EXOC2: variants seen among roughly 807,000 people sequenced by gnomAD.
EXOC2 encodes the protein exocyst complex component 2, also known as SEC5-like 1.
Under a neutral mutation model 131.8 loss-of-function variants are expected in EXOC2, and 70 were observed. The ratio of observed to expected loss-of-function variants is 0.53; its 90% CI spans 0.44 to 0.65. EXOC2 has a LOEUF of 0.65. Among genes scored for constraint, EXOC2 ranks in the 30% least tolerant of loss-of-function variants. The probability of loss-of-function intolerance (pLI) is 0.00; values close to 1 mark genes in which losing one functional copy is unlikely to be tolerated. For synonymous variants in EXOC2, 411 were observed against 398.4 expected (o/e 1.03, Z -0.38); for missense variants, 923 against 1,108.6 (o/e 0.83, Z 2.38).
At chr6:552,255 C>G (rs929482195) in intron 21 of EXOC2, among the ~76,000 whole-genome samples, 1 of 152,242 alleles carries the variant, frequency 6.6e-6, no homozygotes, top group East Asian at 1.9e-4. Flanking sequence ...GGCAGGACGT[C>G]GCTCCCTGCT....
At chr6:587,199 CACAA>C (rs1208206288) in intron 11 of EXOC2, among the ~76,000 whole-genome samples, 4 of 151,908 alleles carry the variant, frequency 2.6e-5, no homozygotes, top group African/African-American at 9.7e-5. Context: ...CGCACACATA[CACAA>C]ACATAGATAT....
chr6:514,846 G>C (rs999016911), intron 23 of EXOC2, among the ~76,000 whole-genome samples: 4 of 152,204 alleles, frequency 2.6e-5, no homozygotes, highest in African/African-American at 9.7e-5. Flanking sequence ...GGAGGAGGGC[G>C]GAGTCGGAGG....
chr6:682,791 T>G (rs1764471770), intron 1 of EXOC2, among the ~76,000 whole-genome samples: 1 of 152,246 alleles, frequency 6.6e-6, no homozygotes, highest in South Asian at 2.1e-4. Flanking sequence ...GAAACTGTTC[T>G]GGACTTAGAT....
At chr6:619,363 A>G (rs1210906533) in intron 5 of EXOC2, 67 bp downstream of exon 5, 3 of 1,300,470 alleles carry the variant, frequency 2.3e-6, no homozygotes, top group Non-Finnish European at 3.3e-6. Flanking sequence ...AACTCGAGTT[A>G]CCGTGTAATT....
In EXOC2 at chr6:629,491, T is replaced by C. The variant is rs575178975; in HGVS notation, c.422+344A>G. 6.6e-5 allele frequency among the ~76,000 whole-genome samples: 10 copies of C among 152,166 alleles called. No individual in the cohort carries two copies. In the South Asian group the frequency reaches 1.5e-3, roughly 22 times the overall value. On this transcript the variant is annotated intron_variant, in intron 4 of 27. Coordinates refer to ENST00000230449, the MANE Select transcript of EXOC2 (RefSeq NM_018303.6). ...CTATTCTAAAATACTTCTAGAAAAA[T>C]CAAAAAAACAGATTATGTATGCTAT...
At chr6:639,955 G>A (rs1317516377) in intron 1 of EXOC2, among the ~76,000 whole-genome samples, 1 of 152,150 alleles carries the variant, frequency 6.6e-6, no homozygotes, top group African/African-American at 2.4e-5. Flanking sequence ...GGCGAAATGT[G>A]GCCATTTGGA....
At chr6:588,048 G>GT (rs1298631731) in intron 11 of EXOC2, among the ~76,000 whole-genome samples, 2 of 152,280 alleles carry the variant, frequency 1.3e-5, no homozygotes, top group East Asian at 3.9e-4. Context: ...TGAAGTCAGC[G>GT]TGAGTACATG....
At chr6:584,882 A>T (rs1759116590) in intron 11 of EXOC2, among the ~76,000 whole-genome samples, 1 of 152,234 alleles carries the variant, frequency 6.6e-6, no homozygotes, top group Non-Finnish European at 1.5e-5. Context: ...AGACATAGCC[A>T]GCATATATTT....
chr6:598,225 A>AGGC, intron 9 of EXOC2, 102 bp from the exon 10 acceptor site: 1 of 806,304 alleles, frequency 1.2e-6, no homozygotes, highest in Non-Finnish European at 2.0e-6. Flanking sequence ...GAGGGCTAAG[A>AGGC]GGCACCAGGG....
In EXOC2 at chr6:571,059, G is replaced by A. The variant is rs375969597; in HGVS notation, c.1443+1461C>T. On this transcript the variant is annotated intron_variant, in intron 13 of 27. Transcript: ENST00000230449. ...GCAGAGTACTGGAAAGACTTATCAG[G>A]ACAAAACTGAAATTATTCACTTCCT... is the stretch of plus-strand genomic sequence containing the variant. 7.9e-5 allele frequency among the ~76,000 whole-genome samples: 12 copies of A among 152,250 alleles called. 2 individuals are homozygous for A. The South Asian group carries it at 2.3e-3, about 29-fold the overall frequency.
intron 23 of EXOC2, among the ~76,000 whole-genome samples, chr6:518,295 C>A (rs1765270761): frequency 6.6e-6 from 1 of 152,140 alleles, no homozygotes; most frequent in Non-Finnish European, 1.5e-5. Flanking sequence ...ACAAGACTGG[C>A]TGTGAGATGA....
At chr6:543,231 GATGA>G (rs1284206242) in intron 22 of EXOC2, among the ~76,000 whole-genome samples, 2 of 152,164 alleles carry the variant, frequency 1.3e-5, no homozygotes, top group African/African-American at 4.8e-5. Flanking sequence ...CCCAGTAATG[GATGA>G]ATGAATTTTA....
chr6:629,755 T>A, intron 4 of EXOC2, 80 bp downstream of exon 4: 1 of 1,533,054 alleles, frequency 6.5e-7, no homozygotes, highest in Non-Finnish European at 8.8e-7. Context: ...GTTTCTGGAG[T>A]TTGAGTCCCT....
chr6:638,891 T>G (rs1581606743), intron 1 of EXOC2, among the ~76,000 whole-genome samples: 1 of 152,248 alleles, frequency 6.6e-6, no homozygotes, highest in Non-Finnish European at 1.5e-5. Context: ...ATTGCGCCAC[T>G]GCACTCTAGC....
At chr6:644,417 A>C (rs1375415509) in intron 1 of EXOC2, among the ~76,000 whole-genome samples, 1 of 152,098 alleles carries the variant, frequency 6.6e-6, no homozygotes, top group African/African-American at 2.4e-5. Context: ...TGAAATACAG[A>C]ATGCTTTCCC....
At chr6:491,037 A>G in intron 26 of EXOC2, 88 bp downstream of exon 26, 1 of 1,328,220 alleles carries the variant, frequency 7.5e-7, no homozygotes, top group Non-Finnish European at 1.1e-6. Context: ...ATGTGCTCTG[A>G]TCAGTCATCT....
chr6:660,767 C>T (rs1014538370), intron 1 of EXOC2, among the ~76,000 whole-genome samples: 1 of 152,056 alleles, frequency 6.6e-6, no homozygotes, highest in East Asian at 1.9e-4. Flanking sequence ...AAAAATCACA[C>T]TAGTTCACCA....
At chr6:555,509 A>C (rs957719288) in intron 19 of EXOC2, among the ~76,000 whole-genome samples, 1 of 152,208 alleles carries the variant, frequency 6.6e-6, no homozygotes, top group Non-Finnish European at 1.5e-5. Flanking sequence ...AGACAATTAG[A>C]AGTGCCTATG....
intron 1 of EXOC2, among the ~76,000 whole-genome samples, chr6:686,578 T>C (rs183876631): frequency 1.3e-5 from 2 of 152,266 alleles, no homozygotes; most frequent in Admixed American, 6.5e-5. Context: ...CCTGACAACT[T>C]AGCTCTCAGA....
Sources: allele counts gnomAD v4.1 joint callset (sites outside exome capture counted in the v4.1 genomes callset), GRCh38; gene constraint gnomAD v4.1.1; transcripts MANE v1.5; gene names NCBI Gene and HGNC (gene_info 2026-07-23, HGNC 2026-07-21).